Variants in SGPL1 observed in about 807,000 individuals in gnomAD.
The protein encoded by SGPL1 is SP-lyase 1.
In SGPL1, 37 loss-of-function variants were observed where a neutral mutation model predicts 68.9. The ratio of observed to expected loss-of-function variants is 0.54; its 90% CI spans 0.41 to 0.71. SGPL1 has a LOEUF of 0.71. Ranked by LOEUF, SGPL1 falls within the 30% of genes least tolerant of loss-of-function variation. The pLI is 0.00. For synonymous variants in SGPL1, 236 were observed against 248.5 expected, an observed-to-expected ratio of 0.95 and a Z score of 0.47; for missense variants, 551 against 704.6, an observed-to-expected ratio of 0.78 and a Z score of 2.47.
chr10:70,865,362 G>A (rs1457224733), intron 7 of SGPL1, among the ~76,000 whole-genome samples: 1 of 151,606 alleles, frequency 6.6e-6, no homozygotes, highest in Admixed American at 6.6e-5. Flanking sequence ...TGAAGTCCAG[G>A]CCTAGGGGTT....
At chr10:70,837,755 C>T (rs1845648859) in intron 2 of SGPL1, among the ~76,000 whole-genome samples, 1 of 152,140 alleles carries the variant, frequency 6.6e-6, no homozygotes. Flanking sequence ...TGTCTTAGTC[C>T]ATTTTCTGCT....
At chr10:70,831,744 A>G (rs1240084138) in intron 2 of SGPL1, among the ~76,000 whole-genome samples, 1 of 152,090 alleles carries the variant, frequency 6.6e-6, no homozygotes, top group Non-Finnish European at 1.5e-5. Context: ...CATGATTGAC[A>G]ACCATGTAGA....
intron 3 of SGPL1, among the ~76,000 whole-genome samples, chr10:70,848,399 T>G (rs896044361): frequency 2.0e-5 from 3 of 151,436 alleles, no homozygotes; most frequent in African/African-American, 7.3e-5. Flanking sequence ...CATGAAGTTT[T>G]CAAATGTGTA....
At chr10:70,864,506 T>C (rs1002591764) in intron 7 of SGPL1, among the ~76,000 whole-genome samples, 34 of 152,252 alleles carry the variant, frequency 2.2e-4, no homozygotes, top group African/African-American at 7.7e-4. Context: ...GTATGGATGC[T>C]ACTGGCTTTG....
chr10:70,854,739 A>G lies in SGPL1; in HGVS notation c.293A>G (p.Asp98Gly), dbSNP rs747127348. 9 of 1,613,554 alleles carry G rather than the reference A, an allele frequency of 5.6e-6. No individual in the cohort carries two copies. Among genetic ancestry groups the G allele is most frequent in the Non-Finnish European group, 7.6e-6 (9 of 1,179,748 alleles). Residue 98 changes from aspartate to glycine, a missense_variant, in exon 5 of 15, where the codon GAT becomes GGT. Physicochemically the swap from Asp to Gly is moderately conservative, Grantham distance 94. Coordinates refer to ENST00000373202, the MANE Select transcript of SGPL1 (RefSeq NM_003901.4). ...GACAAGTTGAACAAGACCAAGGATG[A>G]TATTAGCAAGAACATGTCATTCCTG... ...IQDKLNKTKD[D>G]ISKNMSFLKV... is the part of the protein sequence containing the mutation.
At chr10:70,834,903 C>T (rs1683058770) in intron 2 of SGPL1, among the ~76,000 whole-genome samples, 1 of 152,202 alleles carries the variant, frequency 6.6e-6, no homozygotes, top group Non-Finnish European at 1.5e-5. Flanking sequence ...ACCTGTAGGC[C>T]TCAATGTCTT....
chr10:70,871,629 C>A (rs962388331), intron 10 of SGPL1, among the ~76,000 whole-genome samples: 10 of 152,104 alleles, frequency 6.6e-5, no homozygotes, highest in Non-Finnish European at 1.2e-4. Flanking sequence ...AAATTGATAC[C>A]ATATTTCAGA....
At chr10:70,873,806 G>A (rs536254533) in intron 12 of SGPL1, among the ~76,000 whole-genome samples, 1 of 152,304 alleles carries the variant, frequency 6.6e-6, no homozygotes, top group South Asian at 2.1e-4. Flanking sequence ...TCTTTGAGAC[G>A]GGGGCCTCAT....
chr10:70,821,181 A>G (rs2131845490), intron 2 of SGPL1, among the ~76,000 whole-genome samples: 1 of 152,324 alleles, frequency 6.6e-6, no homozygotes, highest in South Asian at 2.1e-4. Flanking sequence ...TAGAGAATAA[A>G]ATGAGTATGT....
At chr10:70,851,948 G>A (rs948076388) in intron 4 of SGPL1, among the ~76,000 whole-genome samples, 1 of 152,190 alleles carries the variant, frequency 6.6e-6, no homozygotes, top group African/African-American at 2.4e-5. Flanking sequence ...CTGTATTGTA[G>A]TATGTCCCCT....
At chr10:70,853,591 T>C (rs1845919352) in intron 4 of SGPL1, among the ~76,000 whole-genome samples, 1 of 152,204 alleles carries the variant, frequency 6.6e-6, no homozygotes, top group Non-Finnish European at 1.5e-5. Flanking sequence ...AGGTTTTTTT[T>C]CCTGTGTGCT....
chr10:70,845,449 G>C (rs1430051431), intron 3 of SGPL1, among the ~76,000 whole-genome samples: 1 of 152,046 alleles, frequency 6.6e-6, no homozygotes, highest in African/African-American at 2.4e-5. Flanking sequence ...TCTCCTCTTG[G>C]AGTTGAACTG....
intron 3 of SGPL1, 126 bp downstream of exon 3, chr10:70,844,764 G>C: frequency 1.1e-6 from 1 of 881,604 alleles, no homozygotes; most frequent in Non-Finnish European, 1.7e-6. Flanking sequence ...TTTTTGAGAC[G>C]GAGTCTCCAT....
chr10:70,864,579 C>G (rs1846144754), intron 7 of SGPL1, among the ~76,000 whole-genome samples: 1 of 152,024 alleles, frequency 6.6e-6, no homozygotes, highest in East Asian at 1.9e-4. Context: ...TCTTTGTTTT[C>G]TTAAATTCAT....
At chr10:70,818,914 C>G (rs1178853120) in intron 2 of SGPL1, among the ~76,000 whole-genome samples, 1 of 152,132 alleles carries the variant, frequency 6.6e-6, no homozygotes, top group African/African-American at 2.4e-5. Context: ...CTCCTACATC[C>G]CCTTCATTCG....
rs775292351 is a variant in SGPL1 at position 70,844,511 on chromosome 10, C to G, written c.66C>G (p.Tyr22Ter). Residue 22 changes from tyrosine to a stop codon, truncating the protein, a stop_gained, in exon 3 of 15, where the codon TAC becomes TAG. Transcript: ENST00000373202. LOFTEE classifies it high-confidence loss of function. The part of the protein sequence containing the change: ...FEPYLEILEV[Y>*]STKAKNYVNG... ...CCTACTTAGAGATTTTGGAAGTATA[C>G]TCCACAAAAGCCAAGAATTATGTAA... 1 of 1,614,002 alleles carries G rather than the reference C, an allele frequency of 6.2e-7. No individual in the cohort carries two copies.
intron 7 of SGPL1, among the ~76,000 whole-genome samples, chr10:70,859,894 C>G (rs1015652959): frequency 5.9e-5 from 9 of 152,070 alleles, no homozygotes; most frequent in African/African-American, 2.2e-4. Flanking sequence ...ACACTCTTTC[C>G]CTCCCTACCC....
chr10:70,836,531 T>C, intron 2 of SGPL1, among the ~76,000 whole-genome samples: 1 of 152,148 alleles, frequency 6.6e-6, no homozygotes, highest in Non-Finnish European at 1.5e-5. Flanking sequence ...TTTTCCTTTT[T>C]CTTTTCCTTC....
intron 12 of SGPL1, among the ~76,000 whole-genome samples, chr10:70,874,318 C>T (rs930243025): frequency 6.6e-5 from 10 of 152,172 alleles, no homozygotes; most frequent in Admixed American, 2.6e-4. Context: ...ACGGTGGCTC[C>T]GGCCTGTAAT....
Sources: allele counts gnomAD v4.1 joint callset (sites outside exome capture counted in the v4.1 genomes callset), GRCh38; gene constraint gnomAD v4.1.1; transcripts MANE v1.5; gene names NCBI Gene and HGNC (gene_info 2026-07-23, HGNC 2026-07-21).